The following LY9 variants were observed in gnomAD, a reference collection of about 807,000 sequenced individuals.
The protein encoded by LY9 is lymphocyte antigen 9, also known as T-lymphocyte surface antigen Ly-9.
LY9 carries 59 observed loss-of-function variants against 64.6 expected under a neutral mutation model. That is an observed-to-expected ratio of 0.91 (90% CI 0.74 to 1.13). LY9 has a LOEUF of 1.13. LY9 is among the 50% of genes most tolerant of loss of function. The pLI is 0.00. For synonymous variants in LY9, 281 were observed against 308.5 expected (o/e 0.91, Z 0.93); for missense variants, 789 against 797.2 (o/e 0.99, Z 0.12).
intron 1 of LY9, 43 bp downstream of exon 1, chr1:160,796,354 T>C: frequency 6.3e-7 from 1 of 1,586,856 alleles, no homozygotes; most frequent in Non-Finnish European, 8.6e-7. Flanking sequence ...ACTGCGGTTC[T>C]TCTGAGGCCA....
chr1:160,811,322 G>A (rs1558093415), intron 2 of LY9: 1 of 152,218 alleles, frequency 6.6e-6, no homozygotes, highest in Non-Finnish European at 1.5e-5. Flanking sequence ...AGTCCAGACT[G>A]GCAGCATTTC....
intron 2 of LY9, chr1:160,800,334 C>T (rs1666332158): frequency 9.8e-6 from 4 of 406,794 alleles, no homozygotes; most frequent in Non-Finnish European, 1.8e-5. Context: ...TTCATCATCC[C>T]CCCACCACCC....
At chr1:160,814,027 G>A in intron 3 of LY9, 116 bp downstream of exon 3, 2 of 1,108,772 alleles carry the variant, frequency 1.8e-6, no homozygotes, top group Non-Finnish European at 2.6e-6. Flanking sequence ...AAGAGGACAG[G>A]CCCCAAAACC....
intron 2 of LY9, among the ~76,000 whole-genome samples, chr1:160,806,852 A>G (rs501137): frequency 0.31 from 47,239 of 152,084 alleles, 7,495 homozygotes; most frequent in South Asian, 0.41. Context: ...TCAGGGATGA[A>G]ATAATTTGAA....
At chr1:160,801,788 A>C (rs1472572910) in intron 2 of LY9, 1 of 1,609,216 alleles carries the variant, frequency 6.2e-7, no homozygotes, top group African/African-American at 1.3e-5. Context: ...CAATTTTCCC[A>C]GCACCATTTA....
chr1:160,814,448 G>A lies in LY9; in HGVS notation c.759G>A (p.Thr253=), dbSNP rs571753338. ...CAGGAGCCTCCAGAGGAGGAACAAC[G>A]GGGGAGACTGTGGTAGGGGTCCTGG... ...TDPGASRGGT[T]GETVVGVLGE... Residue 253 remains threonine (T), a synonymous_variant, in exon 4 of 10, where the codon ACG becomes ACA. Coordinates refer to ENST00000263285, the MANE Select transcript of LY9 (RefSeq NM_002348.4). 3.4e-5 allele frequency: 55 copies of A among 1,612,992 alleles called. No homozygotes were observed. Among genetic ancestry groups the A allele is most frequent in the Middle Eastern group, 1.7e-4 (1 of 6,056 alleles).
At position 160,827,825 on chromosome 1, in the gene LY9, G is replaced by C. The variant is rs752958964; in HGVS notation, c.*9G>C. On this transcript the variant is annotated 3_prime_UTR_variant, in exon 10 of 10. Transcript: ENST00000263285. ...ATGAAAATTTCACCTGAAAGGAAAA[G>C]CAGCTGCTGCCTCTCTCCTGGGACC... 9 of 1,604,414 alleles carry C rather than the reference G, an allele frequency of 5.6e-6. No individual in the cohort carries two copies. The African/African-American group carries it at 1.2e-4, about 22-fold the overall frequency.
At chr1:160,797,052 G>A (rs930753071) in intron 1 of LY9, 36 of 942,960 alleles carry the variant, frequency 3.8e-5, no homozygotes, top group Middle Eastern at 5.4e-4. Context: ...GTGACCATGG[G>A]CAAGGTGGCG....
intron 7 of LY9, among the ~76,000 whole-genome samples, chr1:160,821,184 G>A (rs533339638): frequency 5.6e-4 from 68 of 122,332 alleles, no homozygotes; most frequent in Middle Eastern, 4.2e-3. Context: ...ATATTCACAT[G>A]GCATACAGTT....
chr1:160,800,168 T>A, intron 2 of LY9, 86 bp downstream of exon 2: 2 of 989,256 alleles, frequency 2.0e-6, no homozygotes, highest in South Asian at 1.6e-5. Context: ...TTTTGTTATA[T>A]GTATATAGTG....
intron 1 of LY9, among the ~76,000 whole-genome samples, chr1:160,798,639 G>T (rs573000614): frequency 6.6e-6 from 1 of 152,132 alleles, no homozygotes; most frequent in Non-Finnish European, 1.5e-5. Context: ...AGGTGCAAGT[G>T]CTTGGCTGAT....
intron 7 of LY9, among the ~76,000 whole-genome samples, chr1:160,820,643 CCCTGCCTGAACCCT>C (rs1479714685): frequency 6.6e-6 from 1 of 152,012 alleles, no homozygotes; most frequent in Non-Finnish European, 1.5e-5. Context: ...CCTGGTGTCC[CCCTGCCTGAACCCT>C]CCTTCCTTGG....
intron 3 of LY9, 41 bp downstream of exon 3, chr1:160,813,952 C>T: frequency 5.7e-6 from 9 of 1,588,190 alleles, no homozygotes; most frequent in Non-Finnish European, 7.7e-6. Flanking sequence ...ATTCCAGAAA[C>T]AATATGAGCA....
chr1:160,805,751 AC>A (rs1558088444), intron 2 of LY9, among the ~76,000 whole-genome samples: 3 of 130,576 alleles, frequency 2.3e-5, no homozygotes, highest in Non-Finnish European at 4.6e-5. Flanking sequence ...TCACACACAC[AC>A]ACACACACAC....
At chr1:160,800,279 T>C in intron 2 of LY9, 197 bp downstream of exon 2, 1 of 566,224 alleles carries the variant, frequency 1.8e-6, no homozygotes, top group Non-Finnish European at 3.1e-6. Flanking sequence ...ATTGAATTGA[T>C]TTTCTCTATC....
chr1:160,797,033 C>T lies in LY9; in HGVS notation c.124+722C>T, dbSNP rs7554869. ...ACTGAGGTTTCACTGGGGACCTGGA[C>T]GCGGTTAGGTGACCATGGGCAAGGT... On this transcript the variant is annotated intron_variant, in intron 1 of 9. Transcript: ENST00000263285. 3,981 of 768,200 alleles carry T rather than the reference C, an allele frequency of 5.2e-3. 133 individuals are homozygous for T. In the African/African-American group the frequency reaches 0.069, roughly 13 times the overall value. 47.6% of individuals were successfully genotyped at this position (768,200 alleles called of 1,614,324 possible). A position where few individuals can be genotyped will look rare whatever the true frequency, so the allele number is the denominator to read the frequency against.
At chr1:160,814,018 A>C (rs1416831999) in intron 3 of LY9, 107 bp downstream of exon 3, 1 of 1,230,062 alleles carries the variant, frequency 8.1e-7, no homozygotes, top group African/African-American at 1.5e-5. Context: ...TGGGGAAGCA[A>C]GAGGACAGGC....
chr1:160,801,155 A>G (rs1666437309), intron 2 of LY9, among the ~76,000 whole-genome samples: 1 of 152,154 alleles, frequency 6.6e-6, no homozygotes, highest in African/African-American at 2.4e-5. Flanking sequence ...TGTTTTGCAT[A>G]GTGGCTGTAC....
intron 4 of LY9, among the ~76,000 whole-genome samples, chr1:160,816,006 T>C (rs1303041270): frequency 2.0e-5 from 3 of 152,192 alleles, no homozygotes; most frequent in African/African-American, 7.2e-5. Flanking sequence ...ACTATCATGG[T>C]TTTGTTAAAA....
Sources: allele counts gnomAD v4.1 joint callset (sites outside exome capture counted in the v4.1 genomes callset), GRCh38; gene constraint gnomAD v4.1.1; transcripts MANE v1.5; gene names NCBI Gene and HGNC (gene_info 2026-07-23, HGNC 2026-07-21).